CEPT1: variants seen among roughly 807,000 people sequenced by gnomAD.
The protein encoded by CEPT1 is choline/ethanolaminephosphotransferase 1.
In CEPT1, 7 loss-of-function variants were observed where a neutral mutation model predicts 42.6. The ratio of observed to expected loss-of-function variants is 0.16; its 90% confidence interval spans 0.09 to 0.31. CEPT1 has a LOEUF of 0.31. CEPT1 is among the 10% of genes least tolerant of loss of function. The probability of loss-of-function intolerance (pLI) is 1.00; values close to 1 mark genes in which losing one functional copy is unlikely to be tolerated. For synonymous variants in CEPT1, 171 were observed against 171.9 expected (o/e 0.99, Z 0.04); for missense variants, 306 against 502.1 (o/e 0.61, Z 3.73).
At chr1:111,149,266 CTT>C (rs775722606) in intron 2 of CEPT1, among the ~76,000 whole-genome samples, 21 of 127,782 alleles carry the variant, frequency 1.6e-4, no homozygotes, top group Admixed American at 2.4e-4. Context: ...GGTTTCTCCT[CTT>C]TTTTTTTTTT....
At chr1:111,174,572 ATT>A (rs35283206) in intron 4 of CEPT1, among the ~76,000 whole-genome samples, 25 of 145,286 alleles carry the variant, frequency 1.7e-4, no homozygotes, top group Non-Finnish European at 1.5e-4. Context: ...TACCTCCTCA[ATT>A]TTTTTTTTTT....
At position 111,184,216 on chromosome 1, in the gene CEPT1, G is replaced by T; in HGVS notation, c.1157G>T (p.Arg386Leu). 1 of 1,613,430 alleles carries T rather than the reference G, an allele frequency of 6.2e-7. No homozygotes were observed. Among genetic ancestry groups the T allele is most frequent in the Non-Finnish European group, 8.5e-7 (1 of 1,179,530 alleles). ...GTTTTCTCTTTCTTTGATTTGATCC[G>T]CTACTGTGTCAGTGTTTGCAATCAG... ...ALVFSFFDLIRYCVSVCNQIA... is the reference protein window; with the variant it reads ...ALVFSFFDLILYCVSVCNQIA... The change falls in exon 9 of 9, where the codon CGC becomes CTC. Residue 386 changes from arginine to leucine, a missense_variant. Physicochemically the swap from Arg to Leu is moderately radical, Grantham distance 102. Coordinates refer to ENST00000357172, the MANE Select transcript of CEPT1 (RefSeq NM_006090.5).
At chr1:111,165,021 C>G (rs1656065685) in intron 4 of CEPT1, among the ~76,000 whole-genome samples, 1 of 146,410 alleles carries the variant, frequency 6.8e-6, no homozygotes, top group Non-Finnish European at 1.5e-5. Flanking sequence ...TTTAATAAAA[C>G]TATACTTACA....
At chr1:111,157,768 GT>G (rs1229097741) in intron 2 of CEPT1, among the ~76,000 whole-genome samples, 1 of 152,126 alleles carries the variant, frequency 6.6e-6, no homozygotes, top group Non-Finnish European at 1.5e-5. Flanking sequence ...CTCAAAAAAG[GT>G]TTATGAAAAG....
At chr1:111,174,158 A>G (rs984715624) in intron 4 of CEPT1, among the ~76,000 whole-genome samples, 11 of 152,160 alleles carry the variant, frequency 7.2e-5, no homozygotes, top group Admixed American at 6.5e-4. Context: ...TTTGCTTCTC[A>G]ATCTTTTTGC....
chr1:111,180,479 T>G (rs997079952), intron 5 of CEPT1: 2 of 152,216 alleles, frequency 1.3e-5, no homozygotes, highest in Non-Finnish European at 2.9e-5. Flanking sequence ...AGTTTTGAAC[T>G]TAGACTGTAG....
chr1:111,167,164 C>T (rs1018885696), intron 4 of CEPT1: 2 of 984,996 alleles, frequency 2.0e-6, no homozygotes, highest in African/African-American at 3.5e-5. Flanking sequence ...CACAGGAACC[C>T]TGGGGCCTTG....
chr1:111,161,266 C>G lies in CEPT1; in HGVS notation c.599C>G (p.Thr200Arg). Residue 200 changes from threonine (T) to arginine (R), a missense_variant, in exon 4 of 9, where the codon ACG (threonine) becomes AGG (arginine). Around this residue, in one of 2 missense-constraint regions of CEPT1, gnomAD observed 253 missense variants for 447.3 expected, o/e 0.57. Transcript: ENST00000357172. ...ATGTTCTATTGTGCGCACTGGCAAACGTATGTTTCTGGAACATTGCGATTT... is the reference window on the plus strand; with the variant it reads ...ATGTTCTATTGTGCGCACTGGCAAAGGTATGTTTCTGGAACATTGCGATTT... ...TFMFYCAHWQ[T>R]YVSGTLRFGI... The G allele has an allele frequency of 6.2e-7, 1 of 1,612,548 alleles. No homozygotes were observed.
At chr1:111,177,804 T>C (rs552238194) in intron 5 of CEPT1, among the ~76,000 whole-genome samples, 1 of 152,040 alleles carries the variant, frequency 6.6e-6, no homozygotes, top group East Asian at 1.9e-4. Flanking sequence ...AGCAATCTAA[T>C]TTCAGGATTC....
intron 4 of CEPT1, among the ~76,000 whole-genome samples, chr1:111,162,512 T>C (rs1381777791): frequency 6.6e-6 from 1 of 152,174 alleles, no homozygotes; most frequent in Non-Finnish European, 1.5e-5. Context: ...GAGGAACCTA[T>C]TTAAAGAGAG....
At chr1:111,144,769 G>A (rs1654863078) in intron 1 of CEPT1, among the ~76,000 whole-genome samples, 1 of 152,176 alleles carries the variant, frequency 6.6e-6, no homozygotes, top group African/African-American at 2.4e-5. Flanking sequence ...TTCCGTAAGA[G>A]CTATCATTTA....
intron 5 of CEPT1, among the ~76,000 whole-genome samples, chr1:111,175,432 C>T (rs10494128): frequency 0.03 from 4,642 of 152,230 alleles, 94 homozygotes; most frequent in South Asian, 0.077. Context: ...CGAGCTTGGA[C>T]CTTGATTTCC....
chr1:111,157,149 T>C (rs549882863), intron 2 of CEPT1, among the ~76,000 whole-genome samples: 1 of 152,320 alleles, frequency 6.6e-6, no homozygotes, highest in Admixed American at 6.5e-5. Context: ...TAGTGTATCA[T>C]TGTGCAGATT....
At chr1:111,174,770 A>ATT (rs529404154) in intron 4 of CEPT1, 109 bp from the exon 5 acceptor site, 10 of 566,208 alleles carry the variant, frequency 1.8e-5, no homozygotes, top group African/African-American at 3.8e-5. Flanking sequence ...AATATTTGAG[A>ATT]TTTTTTTTTT....
chr1:111,171,567 T>C (rs1656412998), intron 4 of CEPT1, among the ~76,000 whole-genome samples: 1 of 152,204 alleles, frequency 6.6e-6, no homozygotes, highest in Non-Finnish European at 1.5e-5. Flanking sequence ...GGTTTGCTTC[T>C]TTTTATTTAT....
chr1:111,164,248 T>C (rs995619781), intron 4 of CEPT1, among the ~76,000 whole-genome samples: 3 of 152,224 alleles, frequency 2.0e-5, no homozygotes, highest in African/African-American at 7.2e-5. Context: ...CCTGAAATTA[T>C]GAGCTACGTC....
In CEPT1 at chr1:111,182,876, A is replaced by T. The variant is rs767630851; in HGVS notation, c.924A>T (p.Ala308=). Residue 308 remains alanine, a synonymous_variant, in exon 7 of 9, where the codon GCA becomes GCT. Coordinates refer to ENST00000357172, the MANE Select transcript of CEPT1 (RefSeq NM_006090.5). ...CTGCAATGATCTACAAGAAATCTGCAGTTCAGCTTTTTGAAAAGCATCCCT... is the reference window on the plus strand; with the variant it reads ...CTGCAATGATCTACAAGAAATCTGCTGTTCAGCTTTTTGAAAAGCATCCCT... The part of the protein sequence containing the change: ...TLAAMIYKKS[A]VQLFEKHPCL... The T allele has an allele frequency of 1.9e-6, 3 of 1,613,526 alleles. No homozygotes were observed. The South Asian group carries it at 3.3e-5, about 18-fold the overall frequency.
At position 111,182,235 on chromosome 1, in the gene CEPT1, G is replaced by A. The variant is rs1209187384; in HGVS notation, c.763G>A (p.Val255Ile). Residue 255 changes from valine to isoleucine, a missense_variant, in exon 6 of 9, where the codon GTA (valine) becomes ATA (isoleucine). By Grantham distance (29) the Val-to-Ile change is conservative (BLOSUM62 3). Transcript: ENST00000357172. ...QMKIFPALCT[V>I]AGTIFSCTNY... ...GAAAATTTTTCCTGCACTTTGTACTGTAGCAGGGACCATATTTTCCTGTAC... is the reference window on the plus strand; with the variant it reads ...GAAAATTTTTCCTGCACTTTGTACTATAGCAGGGACCATATTTTCCTGTAC... 1 of 1,612,134 alleles carries A rather than the reference G, an allele frequency of 6.2e-7. No individual in the cohort carries two copies. The highest frequency in any genetic ancestry group is 1.1e-5 in the South Asian group (1 of 90,910).
chr1:111,161,669 G>C (rs1451706314), intron 4 of CEPT1, among the ~76,000 whole-genome samples: 1 of 152,038 alleles, frequency 6.6e-6, no homozygotes, highest in Non-Finnish European at 1.5e-5. Context: ...TGAGAGCAGC[G>C]CCCTAATCCA....
Sources: allele counts gnomAD v4.1 joint callset (sites outside exome capture counted in the v4.1 genomes callset), GRCh38; gene constraint gnomAD v4.1.1; regional missense constraint gnomAD v4.1.1; transcripts MANE v1.5; gene names NCBI Gene and HGNC (gene_info 2026-07-23, HGNC 2026-07-21).